Variants in PHACTR3 observed in about 807,000 individuals in gnomAD.
PHACTR3 encodes the protein phosphatase and actin regulator 3.
In PHACTR3, 16 loss-of-function variants were observed where a neutral mutation model predicts 66.8. The ratio of observed to expected loss-of-function variants is 0.24; its 90% CI spans 0.16 to 0.36. PHACTR3 has a LOEUF of 0.36. Ranked by LOEUF, PHACTR3 falls within the 10% of genes least tolerant of loss-of-function variation. PHACTR3 has a pLI of 1.00. For synonymous variants in PHACTR3, 323 were observed against 292.1 expected (o/e 1.11, Z -1.08); for missense variants, 647 against 719.9 (o/e 0.90, Z 1.16).
At chr20:59,812,566 C>T (rs1010158618) in intron 8 of PHACTR3, among the ~76,000 whole-genome samples, 2 of 152,316 alleles carry the variant, frequency 1.3e-5, no homozygotes, top group African/African-American at 2.4e-5. Context: ...CAGACAGTGT[C>T]CCCGCAGAGG....
intron 1 of PHACTR3, among the ~76,000 whole-genome samples, chr20:59,605,889 A>G (rs2033653201): frequency 6.7e-6 from 1 of 148,990 alleles, no homozygotes; most frequent in Non-Finnish European, 1.5e-5. Flanking sequence ...TGCGCCTGTC[A>G]CCATGGAGAC....
At chr20:59,826,177 G>A (rs1403453042) in intron 8 of PHACTR3, among the ~76,000 whole-genome samples, 1 of 151,132 alleles carries the variant, frequency 6.6e-6, no homozygotes, top group Non-Finnish European at 1.5e-5. Flanking sequence ...AAGGTATGGG[G>A]AGGAGGGAGA....
chr20:59,661,695 A>G (rs1387659296), intron 1 of PHACTR3, among the ~76,000 whole-genome samples: 1 of 151,396 alleles, frequency 6.6e-6, no homozygotes, highest in Non-Finnish European at 1.5e-5. Context: ...AGATGCCAAT[A>G]CATGTGATTT....
At chr20:59,785,513 G>A (rs1419277376) in intron 7 of PHACTR3, among the ~76,000 whole-genome samples, 1 of 152,184 alleles carries the variant, frequency 6.6e-6, no homozygotes, top group Non-Finnish European at 1.5e-5. Context: ...TGGGGAGTGG[G>A]GATGGTGCTG....
chr20:59,723,758 G>T (rs537558806), intron 1 of PHACTR3, among the ~76,000 whole-genome samples: 2 of 152,034 alleles, frequency 1.3e-5, no homozygotes, highest in Admixed American at 1.3e-4. Flanking sequence ...ATGGTAAGGA[G>T]TGAGAATGGT....
chr20:59,617,081 G>A (rs963963826), intron 1 of PHACTR3, among the ~76,000 whole-genome samples: 3 of 152,098 alleles, frequency 2.0e-5, no homozygotes, highest in Non-Finnish European at 4.4e-5. Flanking sequence ...TCTACTTGGG[G>A]AGTATATTTG....
At chr20:59,710,034 C>A (rs1314812926) in intron 1 of PHACTR3, among the ~76,000 whole-genome samples, 2 of 152,068 alleles carry the variant, frequency 1.3e-5, no homozygotes, top group African/African-American at 2.4e-5. Flanking sequence ...AAAATCAGGT[C>A]TCAGGGAACA....
intron 9 of PHACTR3, among the ~76,000 whole-genome samples, chr20:59,839,013 T>C (rs939057717): frequency 6.6e-6 from 1 of 151,534 alleles, no homozygotes. Flanking sequence ...GTGACCTTCG[T>C]AGTAATTATG....
At chr20:59,720,938 C>G (rs377670246) in intron 1 of PHACTR3, among the ~76,000 whole-genome samples, 1 of 127,634 alleles carries the variant, frequency 7.8e-6, no homozygotes, top group African/African-American at 5.1e-5. Flanking sequence ...GGGTGTCAGG[C>G]ACCGTGGATT....
At chr20:59,766,512 G>A (rs1450503273) in intron 4 of PHACTR3, among the ~76,000 whole-genome samples, 1 of 152,134 alleles carries the variant, frequency 6.6e-6, no homozygotes, top group Non-Finnish European at 1.5e-5. Context: ...GGGAAAGCTG[G>A]GGATGGGCAG....
rs538758444 is a variant in PHACTR3 at position 59,584,374 on chromosome 20, C to T, written c.109+6757C>T. Among the ~76,000 whole-genome samples, 415 of 146,252 alleles carry T rather than the reference C, an allele frequency of 2.8e-3. 2 individuals carry two copies. The highest frequency in any genetic ancestry group is 1.0e-2 in the African/African-American group (392 of 39,206). On this transcript the variant is annotated intron_variant, in intron 1 of 12. Coordinates refer to the PHACTR3 transcript ENST00000359926. ...CTGTGTGTGCGTGATTGTGTGTGTG[C>T]GTGTGAGGGTTGAGGCTGTGCAGGA...
chr20:59,827,237 GTGCACGTGATCT>G (rs1242213597), intron 8 of PHACTR3, among the ~76,000 whole-genome samples: 1 of 152,134 alleles, frequency 6.6e-6, no homozygotes, highest in Non-Finnish European at 1.5e-5. Context: ...ATGGGCGGGG[GTGCACGTGATCT>G]TGGTGCCTCA....
At chr20:59,665,062 C>T (rs957554290) in intron 1 of PHACTR3, among the ~76,000 whole-genome samples, 1 of 152,052 alleles carries the variant, frequency 6.6e-6, no homozygotes, top group African/African-American at 2.4e-5. Context: ...TAATTTATTC[C>T]AAGTAGTCTA....
At chr20:59,603,109 A>G (rs570212018), upstream of PHACTR3, among the ~76,000 whole-genome samples, 2 of 152,186 alleles carry the variant, frequency 1.3e-5, no homozygotes, top group Non-Finnish European at 2.9e-5. Context: ...ATGTGGATAA[A>G]ACGTATCTAT....
intron 8 of PHACTR3, among the ~76,000 whole-genome samples, chr20:59,826,735 C>T (rs951628867): frequency 1.2e-4 from 18 of 152,174 alleles, no homozygotes; most frequent in South Asian, 2.1e-4. Context: ...CCCTCTCTCA[C>T]GTCCTTCCCT....
intron 1 of PHACTR3, among the ~76,000 whole-genome samples, chr20:59,678,591 T>C (rs2036533675): frequency 6.6e-6 from 1 of 152,230 alleles, no homozygotes; most frequent in African/African-American, 2.4e-5. Flanking sequence ...CATCTTGACA[T>C]AATTCGACAT....
chr20:59,722,939 C>T (rs2038378019), intron 1 of PHACTR3, among the ~76,000 whole-genome samples: 1 of 152,018 alleles, frequency 6.6e-6, no homozygotes, highest in South Asian at 2.1e-4. Flanking sequence ...GGGAAAGACG[C>T]CCTGTGGCTC....
chr20:59,601,273 C>A (rs2146325671), upstream of PHACTR3, among the ~76,000 whole-genome samples: 1 of 152,328 alleles, frequency 6.6e-6, no homozygotes, highest in Admixed American at 6.5e-5. Flanking sequence ...CCAGGTTCAT[C>A]TGCATGTGAT....
At chr20:59,841,253 T>C in intron 10 of PHACTR3, 142 bp from the exon 11 acceptor site, 3 of 728,120 alleles carry the variant, frequency 4.1e-6, no homozygotes, top group Non-Finnish European at 6.6e-6. Flanking sequence ...ACATTAGAGA[T>C]TGCTTGTATT....
Sources: gnomAD v4.1 joint callset for allele counts (sites outside exome capture counted in the v4.1 genomes callset) on GRCh38, gnomAD v4.1.1 for gene constraint, MANE v1.5 for transcripts, NCBI Gene and HGNC (gene_info 2026-07-23, HGNC 2026-07-21) for gene names.